The following ARID5B variants were observed in gnomAD, a reference collection of about 807,000 sequenced individuals.
ARID5B encodes AT-rich interactive domain-containing protein 5B.
ARID5B carries 13 observed loss-of-function variants against 97.2 expected under a neutral mutation model. The observed-to-expected ratio is 0.13, with a 90% CI of 0.09 to 0.21. The LOEUF (loss-of-function observed/expected upper bound fraction) is 0.21, where lower values mean the gene tolerates loss of function less well. Ranked by LOEUF, ARID5B falls within the 10% of genes least tolerant of loss-of-function variation. The pLI is 1.00. For synonymous variants in ARID5B, 556 were observed against 570.3 expected (o/e 0.97, Z 0.36); for missense variants, 1,210 against 1,465.3 (o/e 0.83, Z 2.84).
At chr10:62,084,322 A>G (rs1483440967) in intron 8 of ARID5B, among the ~76,000 whole-genome samples, 1 of 152,256 alleles carries the variant, frequency 6.6e-6, no homozygotes, top group Non-Finnish European at 1.5e-5. Flanking sequence ...GTACTGTCAA[A>G]CCTGAACAAT....
At chr10:61,956,139 T>C (rs1345730910) in intron 3 of ARID5B, among the ~76,000 whole-genome samples, 1 of 152,218 alleles carries the variant, frequency 6.6e-6, no homozygotes, top group Non-Finnish European at 1.5e-5. Context: ...TACTAGCCCC[T>C]GGCCTGTTAG....
At chr10:61,929,485 T>A (rs1237673343) in intron 2 of ARID5B, among the ~76,000 whole-genome samples, 1 of 152,222 alleles carries the variant, frequency 6.6e-6, no homozygotes, top group African/African-American at 2.4e-5. Flanking sequence ...TCTGGAGGGA[T>A]GCCATATTAG....
chr10:61,933,482 T>C (rs1475576233), intron 2 of ARID5B, among the ~76,000 whole-genome samples: 3 of 152,248 alleles, frequency 2.0e-5, no homozygotes, highest in African/African-American at 7.2e-5. Flanking sequence ...GGAATCACTG[T>C]GGCAGCTATA....
chr10:61,994,058 T>C (rs1306028755), intron 3 of ARID5B, among the ~76,000 whole-genome samples: 2 of 152,190 alleles, frequency 1.3e-5, no homozygotes, highest in Non-Finnish European at 2.9e-5. Flanking sequence ...TCATACATAT[T>C]TGGAATCTTT....
At chr10:62,059,826 A>G (rs1839900281) in intron 7 of ARID5B, among the ~76,000 whole-genome samples, 2 of 152,206 alleles carry the variant, frequency 1.3e-5, no homozygotes, top group Non-Finnish European at 2.9e-5. Context: ...GACACTCTTT[A>G]TCAGCTAATT....
At chr10:62,057,736 A>G (rs1839875289) in intron 6 of ARID5B, among the ~76,000 whole-genome samples, 1 of 152,222 alleles carries the variant, frequency 6.6e-6, no homozygotes, top group South Asian at 2.1e-4. Context: ...ACAAAGGGAA[A>G]ACACATTTCC....
At position 61,902,344 on chromosome 10, in the gene ARID5B, T is replaced by C; in HGVS notation, c.207T>C (p.Leu69=). ...LLWEERTSRQ[L]LSSSKLYFLP... is the part of the protein sequence containing the mutation. ...GGGAAGAGAGGACCAGCCGGCAACT[T>C]TTATCCAGCTCTAAACTTTATTTCC... The change falls in exon 2 of 10, where the codon CTT becomes CTC. Residue 69 remains leucine (L), a synonymous_variant. Coordinates refer to ENST00000279873, the MANE Select transcript of ARID5B (RefSeq NM_032199.3). 1 of 1,614,098 alleles carries C rather than the reference T, an allele frequency of 6.2e-7. No individual in the cohort carries two copies. The highest frequency in any genetic ancestry group is 1.1e-5 in the South Asian group (1 of 91,072).
chr10:62,092,021 C>T lies in ARID5B; in HGVS notation c.2558C>T (p.Thr853Ile), dbSNP rs1477973315. 1.2e-6 allele frequency: 2 copies of T among 1,614,160 alleles called. No individual in the cohort carries two copies. Among genetic ancestry groups the T allele is most frequent in the Non-Finnish European group, 1.7e-6 (2 of 1,180,024 alleles). The change falls in exon 10 of 10, where the codon ACA becomes ATA. Residue 853 changes from threonine to isoleucine, a missense_variant. Thr to Ile is a moderately conservative substitution (Grantham distance 89). Coordinates refer to ENST00000279873, the MANE Select transcript of ARID5B (RefSeq NM_032199.3). ...GAGCACCATCTTCATAATGAACAGA[C>T]ATCCAAATACCCTTCCAGGGACATG... The part of the protein sequence containing the change: ...HTEHHLHNEQ[T>I]SKYPSRDMYR...
intron 3 of ARID5B, among the ~76,000 whole-genome samples, chr10:61,964,973 A>G (rs1371930186): frequency 6.6e-6 from 1 of 152,262 alleles, no homozygotes; most frequent in African/African-American, 2.4e-5. Context: ...CAACAATAAT[A>G]GAAATATAAG....
At chr10:62,049,210 C>T in intron 4 of ARID5B, 1 of 1,345,582 alleles carries the variant, frequency 7.4e-7, no homozygotes, top group Non-Finnish European at 9.5e-7. Context: ...GTGGAGAGAG[C>T]AGAGCCCTCC....
intron 4 of ARID5B, among the ~76,000 whole-genome samples, chr10:62,018,946 G>C (rs1839318931): frequency 1.3e-5 from 2 of 152,114 alleles, no homozygotes; most frequent in Admixed American, 6.6e-5. Context: ...TTTCTAATGT[G>C]TATTCTTGAA....
intron 5 of ARID5B, among the ~76,000 whole-genome samples, chr10:62,051,642 C>T (rs1839792266): frequency 6.6e-6 from 1 of 152,182 alleles, no homozygotes; most frequent in Non-Finnish European, 1.5e-5. Context: ...TCTTTGGAAT[C>T]TTGAAAGTGC....
At position 62,053,465 on chromosome 10, in the gene ARID5B, T is replaced by C. The variant is rs144582272; in HGVS notation, c.846+2465T>C. On this transcript the variant is annotated intron_variant, in intron 5 of 9. Coordinates refer to ENST00000279873, the MANE Select transcript of ARID5B (RefSeq NM_032199.3). ...GTTTTCCAACGGAGAGAGAATTACA[T>C]GGCTCCCCAAAGACAGCAAGTGTCA... is the stretch of plus-strand genomic sequence containing the variant. 5.1e-3 allele frequency among the ~76,000 whole-genome samples: 771 copies of C among 152,290 alleles called. 7 individuals carry two copies. Among genetic ancestry groups the C allele is most frequent in the Non-Finnish European group, 5.7e-3 (388 of 68,040 alleles).
chr10:61,987,228 A>G (rs772153220), intron 3 of ARID5B, among the ~76,000 whole-genome samples: 22 of 152,210 alleles, frequency 1.4e-4, no homozygotes, highest in Non-Finnish European at 2.8e-4. Flanking sequence ...TACAACATTC[A>G]GGGGTCACAG....
chr10:61,980,596 T>G (rs949182226), intron 3 of ARID5B, among the ~76,000 whole-genome samples: 3 of 152,218 alleles, frequency 2.0e-5, no homozygotes, highest in African/African-American at 7.2e-5. Context: ...TGAAATGAAT[T>G]GTATTATAAC....
chr10:62,030,416 C>T (rs1470340319), intron 4 of ARID5B, among the ~76,000 whole-genome samples: 3 of 152,156 alleles, frequency 2.0e-5, no homozygotes, highest in Admixed American at 1.3e-4. Flanking sequence ...CAGGCGTGAG[C>T]CACCACGCCC....
At chr10:62,050,828 T>G in intron 4 of ARID5B, 60 bp from the exon 5 acceptor site, 1 of 1,432,436 alleles carries the variant, frequency 7.0e-7, no homozygotes, top group Non-Finnish European at 9.8e-7. Flanking sequence ...ATTCTGGGTC[T>G]TTAATAAAGA....
intron 8 of ARID5B, among the ~76,000 whole-genome samples, chr10:62,085,236 T>C (rs1840265271): frequency 6.6e-6 from 1 of 152,242 alleles, no homozygotes; most frequent in African/African-American, 2.4e-5. Flanking sequence ...CACATGCTAG[T>C]ACCTACTAGA....
At chr10:61,912,512 T>C (rs1843822940) in intron 2 of ARID5B, among the ~76,000 whole-genome samples, 1 of 152,088 alleles carries the variant, frequency 6.6e-6, no homozygotes, top group African/African-American at 2.4e-5. Flanking sequence ...GTACATCAAA[T>C]CATCACATTG....
Sources: allele counts gnomAD v4.1 joint callset (sites outside exome capture counted in the v4.1 genomes callset), GRCh38; gene constraint gnomAD v4.1.1; transcripts MANE v1.5; gene names NCBI Gene and HGNC (gene_info 2026-07-23, HGNC 2026-07-21).